CELSR1: variants seen among roughly 807,000 people sequenced by gnomAD.
CELSR1 encodes adhesion G protein-coupled receptor C1.
CELSR1 carries 110 observed loss-of-function variants against 249.1 expected under a neutral mutation model. That is an observed-to-expected ratio of 0.44 (90% CI 0.38 to 0.52). CELSR1 has a LOEUF of 0.52. Ranked by LOEUF, CELSR1 falls within the 20% of genes least tolerant of loss-of-function variation. The pLI, the probability that CELSR1 is intolerant of heterozygous loss-of-function variation, is 0.00. For synonymous variants in CELSR1, 2,113 were observed against 1,900.0 expected (o/e 1.11, Z -2.92); for missense variants, 4,109 against 4,296.4 (o/e 0.96, Z 1.22).
In CELSR1 at chr22:46,364,115, G is replaced by A. The variant is rs1278778375; in HGVS notation, c.8916C>T (p.Gly2972=). The part of the protein sequence containing the change: ...TSSRTSSLGS[G]GPDCAITVKS... ...TGACTGTGATGGCGCAGTCGGGGCC[G>A]CCAGAGCCCAGGGAAGACGTGCGCG... The change falls in exon 34 of 35, where the codon GGC becomes GGT. Residue 2972 remains glycine (G), a synonymous_variant. Coordinates refer to ENST00000674500, the MANE Select transcript of CELSR1 (RefSeq NM_001378328.1). 6.2e-6 allele frequency: 10 copies of A among 1,612,028 alleles called. No individual in the cohort carries two copies. Among genetic ancestry groups the A allele is most frequent in the Middle Eastern group, 1.6e-4 (1 of 6,078 alleles).
intron 18 of CELSR1, among the ~76,000 whole-genome samples, chr22:46,387,875 C>A (rs1168756002): frequency 6.6e-6 from 1 of 152,142 alleles, no homozygotes; most frequent in Non-Finnish European, 1.5e-5. Context: ...CCACCAACCA[C>A]GTCAAGCAGT....
rs1002792493 is a variant in CELSR1, at chr22:46,506,236, G to A, written c.3544+27391C>T. 2.6e-5 allele frequency among the ~76,000 whole-genome samples: 4 copies of A among 151,956 alleles called. No homozygotes were observed. Among genetic ancestry groups the A allele is most frequent in the African/African-American group, 4.8e-5 (2 of 41,344 alleles). ...AGAAAAGAAACTACTGACTACTGAC[G>A]GATTGCTGGGTTCTGGATGGACATG... On this transcript the variant is annotated intron_variant, in intron 1 of 34. Transcript: ENST00000674500. This position sits in a 1 kb window ranked among gnomAD's most constrained non-coding sequence, Gnocchi z 4.1.
At chr22:46,422,668 G>A (rs1320280970) in intron 5 of CELSR1, among the ~76,000 whole-genome samples, 1 of 151,678 alleles carries the variant, frequency 6.6e-6, no homozygotes, top group Non-Finnish European at 1.5e-5. Context: ...TCAGGAGACT[G>A]AGGCAGGAGA....
At position 46,363,452 on chromosome 22, in the gene CELSR1, G is replaced by T. The variant is rs533723961; in HGVS notation, c.9036-205C>A. 72 of 539,862 alleles carry T rather than the reference G, an allele frequency of 1.3e-4. No homozygotes were observed. The highest frequency in any genetic ancestry group is 1.2e-3 in the African/African-American group (62 of 52,642). The allele number at this position is 539,862 out of a possible 1,614,324, so 33.4% of individuals were successfully genotyped here. ...GACCAGGACCAGCCTGTGGGCCTCT[G>T]TGTTGCTGGTCTTTCAGAAGAGCGC... On this transcript the variant is annotated intron_variant, in intron 34 of 34. Coordinates refer to ENST00000674500, the MANE Select transcript of CELSR1 (RefSeq NM_001378328.1). This position sits in a 1 kb window ranked among gnomAD's most constrained non-coding sequence, Gnocchi z 4.3.
chr22:46,448,060 A>G lies in CELSR1; in HGVS notation c.4184-8649T>C, dbSNP rs2079840797. 6.6e-6 allele frequency among the ~76,000 whole-genome samples: 1 copy of G among 152,204 alleles called. No individual in the cohort carries two copies. The highest frequency in any genetic ancestry group is 2.4e-5 in the African/African-American group (1 of 41,444). ...CTGGTGCACTGCCCTGCCTGCCCAG[A>G]GACCCTAGCACCAAAGCCATCAACC... On this transcript the variant is annotated intron_variant, in intron 2 of 34. Transcript: ENST00000674500. The surrounding 1 kb of genome is among the most constrained non-coding windows in gnomAD (Gnocchi z 5.7).
intron 24 of CELSR1, among the ~76,000 whole-genome samples, chr22:46,376,024 T>C (rs6007892): frequency 0.33 from 49,744 of 152,194 alleles, 15,172 homozygotes; most frequent in African/African-American, 0.81. Flanking sequence ...GGGTTCCTGA[T>C]GTTACAGGGG....
intron 1 of CELSR1, among the ~76,000 whole-genome samples, chr22:46,521,364 G>A (rs576605178): frequency 1.3e-5 from 2 of 152,122 alleles, no homozygotes; most frequent in East Asian, 1.9e-4. Context: ...AATTAGCTGG[G>A]CATGGTGGCG....
rs2080868959 is a variant in CELSR1, at chr22:46,537,221, G to C, written c.-51C>G. The C allele has an allele frequency of 9.8e-6, 10 of 1,016,668 alleles. No homozygotes were observed. In the South Asian group the frequency reaches 4.0e-4, roughly 41 times the overall value. 63.0% of individuals were successfully genotyped at this position (1,016,668 alleles called of 1,614,324 possible). On this transcript the variant is annotated 5_prime_UTR_variant, in exon 1 of 35. Coordinates refer to ENST00000674500, the MANE Select transcript of CELSR1 (RefSeq NM_001378328.1). This position sits in a 1 kb window ranked among gnomAD's most constrained non-coding sequence, Gnocchi z 5.8. The stretch of plus-strand genomic sequence containing the variant: ...GCGCCCGAACACAATCCATGCACCC[G>C]GCGCGCCTCCGCATCCACCCGGCGA...
At chr22:46,532,255 G>GAAGAAAAC (rs2080799279) in intron 1 of CELSR1, among the ~76,000 whole-genome samples, 1 of 152,222 alleles carries the variant, frequency 6.6e-6, no homozygotes, top group Non-Finnish European at 1.5e-5. Flanking sequence ...ATAAGATAAA[G>GAAGAAAAC]TGGTATAGAA....
At chr22:46,495,208 G>A (rs2878870) in intron 1 of CELSR1, among the ~76,000 whole-genome samples, 152,302 of 152,330 alleles carry the variant, frequency 1, 76,137 homozygotes, top group Middle Eastern at 1. Context: ...GGTACAGCCT[G>A]CTACACACCT....
intron 1 of CELSR1, chr22:46,481,234 C>T: frequency 3.1e-6 from 1 of 322,428 alleles, no homozygotes; most frequent in South Asian, 3.8e-5. Context: ...AAGAACAAGA[C>T]CATGTCTCAA....
At chr22:46,477,923 C>T (rs1003121559) in intron 1 of CELSR1, among the ~76,000 whole-genome samples, 2 of 152,164 alleles carry the variant, frequency 1.3e-5, no homozygotes, top group African/African-American at 2.4e-5. Flanking sequence ...CTGTGGGGTG[C>T]CAGCCCCCGG....
rs768963684 is a variant in CELSR1 at position 46,409,617 on chromosome 22, C to T, written c.5059+138G>A. ...GTCTCTTGGAGAGGGCGGTGTGAGTCCACAGTAAATGCAGCATATACCACC... is the reference window on the plus strand; with the variant it reads ...GTCTCTTGGAGAGGGCGGTGTGAGTTCACAGTAAATGCAGCATATACCACC... On this transcript the variant is annotated intron_variant, in intron 8 of 34. Coordinates refer to ENST00000674500, the MANE Select transcript of CELSR1 (RefSeq NM_001378328.1). The surrounding 1 kb of genome is among the most constrained non-coding windows in gnomAD (Gnocchi z 9.8). The T allele has an allele frequency of 3.5e-5, 36 of 1,034,818 alleles. No homozygotes were observed. Among genetic ancestry groups the T allele is most frequent in the Non-Finnish European group, 4.8e-5 (34 of 701,482 alleles). 64.1% of individuals were successfully genotyped at this position (1,034,818 alleles called of 1,614,324 possible).
At chr22:46,486,071 G>A (rs2080310440) in intron 1 of CELSR1, among the ~76,000 whole-genome samples, 1 of 151,282 alleles carries the variant, frequency 6.6e-6, no homozygotes, top group Non-Finnish European at 1.5e-5. Context: ...CCAAGTAGCT[G>A]GGACTACAGG....
In CELSR1 at chr22:46,409,858, G is replaced by T; in HGVS notation, c.4956C>A (p.Phe1652Leu). Reference sequence around the variant, plus strand: ...CATTCTGACACCGCCTCCCATCGCAGAAGTTCCTCCGAGCAGCGCAGCCTG... The same window carrying T: ...CATTCTGACACCGCCTCCCATCGCATAAGTTCCTCCGAGCAGCGCAGCCTG... ...TREGCAARRN[F>L]CDGRRCQNGG... The change falls in exon 8 of 35, where the codon TTC (phenylalanine) becomes TTA (leucine). Residue 1652 changes from phenylalanine to leucine, a missense_variant. By Grantham distance (22) the Phe-to-Leu change is conservative. Around this residue, in one of 7 missense-constraint regions of CELSR1, gnomAD observed 453 missense variants for 492.0 expected, o/e 0.92. Transcript: ENST00000674500. This position sits in a 1 kb window ranked among gnomAD's most constrained non-coding sequence, Gnocchi z 9.8. 6.2e-7 allele frequency: 1 copy of T among 1,613,626 alleles called. No individual in the cohort carries two copies.
chr22:46,424,155 C>A (rs980388441), intron 5 of CELSR1, among the ~76,000 whole-genome samples: 1 of 152,064 alleles, frequency 6.6e-6, no homozygotes, highest in African/African-American at 2.4e-5. Flanking sequence ...CAGCCTCGAC[C>A]TTCCAGGCCC....
chr22:46,419,055 C>T (rs1447152085), intron 5 of CELSR1, among the ~76,000 whole-genome samples: 1 of 152,184 alleles, frequency 6.6e-6, no homozygotes, highest in Non-Finnish European at 1.5e-5. Flanking sequence ...TCCAGCAGGG[C>T]ACCGTGCCAG....
At position 46,427,231 on chromosome 22, in the gene CELSR1, C is replaced by T. The variant is rs1296314105; in HGVS notation, c.4611+6162G>A. Reference sequence around the variant, plus strand: ...CCAGATCTGGATTTCTAAATGCCACCCTCCACTAAAAGAACCAGGCTCGGC... The same window carrying T: ...CCAGATCTGGATTTCTAAATGCCACTCTCCACTAAAAGAACCAGGCTCGGC... On this transcript the variant is annotated intron_variant, in intron 5 of 34. Coordinates refer to ENST00000674500, the MANE Select transcript of CELSR1 (RefSeq NM_001378328.1). This position sits in a 1 kb window ranked among gnomAD's most constrained non-coding sequence, Gnocchi z 4.2. 6.6e-6 allele frequency among the ~76,000 whole-genome samples: 1 copy of T among 152,138 alleles called. No individual in the cohort carries two copies. The highest frequency in any genetic ancestry group is 2.4e-5 in the African/African-American group (1 of 41,428).
intron 2 of CELSR1, among the ~76,000 whole-genome samples, chr22:46,459,538 C>T (rs1200435229): frequency 6.6e-6 from 1 of 152,200 alleles, no homozygotes; most frequent in Non-Finnish European, 1.5e-5. Flanking sequence ...GCTCAGAAGC[C>T]AGAATGCCTG....
Sources: allele counts gnomAD v4.1 joint callset (sites outside exome capture counted in the v4.1 genomes callset), GRCh38; gene constraint gnomAD v4.1.1; regional missense constraint gnomAD v4.1.1; non-coding constraint Gnocchi (gnomAD v3.1); transcripts MANE v1.5; gene names NCBI Gene and HGNC (gene_info 2026-07-23, HGNC 2026-07-21).